DLGAP2: variants seen among roughly 807,000 people sequenced by gnomAD.
The protein encoded by DLGAP2 is DLG associated protein 2.
DLGAP2 carries 26 observed loss-of-function variants against 100.3 expected under a neutral mutation model. That is an observed-to-expected ratio of 0.26 (90% CI 0.19 to 0.36). The LOEUF is 0.36. DLGAP2 is among the 10% of genes least tolerant of loss of function. DLGAP2 has a pLI of 1.00. For missense variants in DLGAP2, 1,858 were observed against 1,453.2 expected (o/e 1.28, Z -4.53); for synonymous variants, 886 against 630.1 (o/e 1.41, Z -6.08).
intron 3 of DLGAP2, among the ~76,000 whole-genome samples, chr8:1,289,642 C>G (rs988195442): frequency 4.6e-5 from 7 of 152,274 alleles, no homozygotes; most frequent in East Asian, 1.9e-4. Context: ...CCTACATAGT[C>G]CCTGCTGCCT....
Position 1,552,382 on chromosome 8 carries a change from C to T in DLGAP2, c.1230+2699C>T, listed in dbSNP as rs374075305. ...TTCGGGGCATGCAGCTCGGTGACTT[C>T]TCTCCCCTCCTCACTGTCCCCCAGT... On this transcript the variant is annotated intron_variant, in intron 5 of 14. Coordinates refer to ENST00000637795, the MANE Select transcript of DLGAP2 (RefSeq NM_001346810.2). Among the ~76,000 whole-genome samples the T allele has an allele frequency of 3.3e-3, 509 of 152,342 alleles. 6 individuals carry two copies. The highest frequency in any genetic ancestry group is 0.033 in the South Asian group (157 of 4,828).
intron 1 of DLGAP2, among the ~76,000 whole-genome samples, chr8:816,717 A>T (rs923216685): frequency 1.3e-5 from 2 of 152,138 alleles, no homozygotes; most frequent in Admixed American, 6.5e-5. Context: ...TCTTTTTGTG[A>T]TGAATTTCCT....
At chr8:859,635 C>T (rs11998113) in intron 1 of DLGAP2, among the ~76,000 whole-genome samples, 12 of 152,172 alleles carry the variant, frequency 7.9e-5, no homozygotes, top group Admixed American at 7.9e-4. Context: ...ATGAAGTCAG[C>T]TGTCTCAGCA....
rs1020971797 is a variant in DLGAP2, at chr8:1,343,256, AG to A, written c.106+84376del. ...CGCCACGGTGAGAGGTGCGCAGGGC[AG>A]GGCTCAGGACAGACCAGGCCTGAGC... On this transcript the variant is annotated intron_variant, in intron 3 of 14. Transcript: ENST00000637795. Among the ~76,000 whole-genome samples, 136 of 152,314 alleles carry A rather than the reference AG, an allele frequency of 8.9e-4. 1 individual carries two copies. Among genetic ancestry groups the A allele is most frequent in the African/African-American group, 3.1e-3 (128 of 41,582 alleles).
At position 1,626,830 on chromosome 8, in the gene DLGAP2, G is replaced by A; in HGVS notation, c.1533G>A (p.Arg511=). ...ACAACTCCCCGAAATTCCGCTCCCGGAACCAGAGCTACATGAGGGCCGTCA... is the reference window on the plus strand; with the variant it reads ...ACAACTCCCCGAAATTCCGCTCCCGAAACCAGAGCTACATGAGGGCCGTCA... ...ANYNSPKFRS[R]NQSYMRAVST... Residue 511 remains arginine, a synonymous_variant, in exon 7 of 15, where the codon CGG becomes CGA. Coordinates refer to ENST00000637795, the MANE Select transcript of DLGAP2 (RefSeq NM_001346810.2). The A allele has an allele frequency of 1.9e-6, 3 of 1,607,306 alleles. No individual in the cohort carries two copies. The highest frequency in any genetic ancestry group is 2.5e-6 in the Non-Finnish European group (3 of 1,177,168).
At chr8:1,018,194 C>G (rs1563146937) in intron 2 of DLGAP2, among the ~76,000 whole-genome samples, 1 of 152,098 alleles carries the variant, frequency 6.6e-6, no homozygotes, top group Non-Finnish European at 1.5e-5. Context: ...ATCCCTGCCC[C>G]TATAGGCCCT....
At chr8:1,043,994 G>T (rs896943306) in intron 2 of DLGAP2, among the ~76,000 whole-genome samples, 8 of 152,086 alleles carry the variant, frequency 5.3e-5, no homozygotes, top group African/African-American at 1.9e-4. Flanking sequence ...GAAGCCCCCA[G>T]GACTTCCCAA....
rs1156753082 is a variant in DLGAP2, at chr8:1,288,221, A to T, written c.106+29338A>T. On this transcript the variant is annotated intron_variant, in intron 3 of 14. Coordinates refer to ENST00000637795, the MANE Select transcript of DLGAP2 (RefSeq NM_001346810.2). ...TGTGTGTGTGTGTGTGTGTGTGGTT[A>T]GGAGGGGAACTAGTTTCGTTTCAGT... Among the ~76,000 whole-genome samples the T allele has an allele frequency of 3.2e-3, 245 of 75,824 alleles. 3 individuals are homozygous for T. Among genetic ancestry groups the T allele is most frequent in the Non-Finnish European group, 5.0e-3 (197 of 39,746 alleles). The allele number at this position is 75,824 out of a possible 152,430, so 49.7% of individuals were successfully genotyped here.
intron 1 of DLGAP2, among the ~76,000 whole-genome samples, chr8:904,016 G>T (rs1798322740): frequency 6.6e-6 from 1 of 152,206 alleles, no homozygotes; most frequent in African/African-American, 2.4e-5. Context: ...GGACACACGC[G>T]GTCCAGGCCC....
intron 2 of DLGAP2, among the ~76,000 whole-genome samples, chr8:1,167,240 CCCAAAGGTCT>C (rs1445599923): frequency 4.3e-4 from 66 of 152,236 alleles, no homozygotes; most frequent in African/African-American, 1.6e-3. Context: ...AGCAAAGGCC[CCCAAAGGTCT>C]GACTCCATGA....
chr8:1,439,765 TC>T (rs931676271), intron 3 of DLGAP2, among the ~76,000 whole-genome samples: 4 of 151,620 alleles, frequency 2.6e-5, no homozygotes, highest in African/African-American at 9.7e-5. Flanking sequence ...CTCCCCACCA[TC>T]CCCCAGACTG....
intron 3 of DLGAP2, among the ~76,000 whole-genome samples, chr8:1,278,948 A>C (rs1311638579): frequency 1.3e-5 from 2 of 152,344 alleles, no homozygotes; most frequent in Admixed American, 6.5e-5. Flanking sequence ...GTACATGAGT[A>C]AAGTCACTTA....
At chr8:1,125,321 A>T (rs1796140131) in intron 2 of DLGAP2, among the ~76,000 whole-genome samples, 1 of 152,186 alleles carries the variant, frequency 6.6e-6, no homozygotes, top group Non-Finnish European at 1.5e-5. Flanking sequence ...TGGAATCGAA[A>T]TTCTACTGCA....
intron 2 of DLGAP2, among the ~76,000 whole-genome samples, chr8:1,152,696 T>C (rs992957085): frequency 6.6e-6 from 1 of 152,222 alleles, no homozygotes; most frequent in Admixed American, 6.5e-5. Context: ...GTCTTCCACC[T>C]CTTGGCATCA....
intron 1 of DLGAP2, among the ~76,000 whole-genome samples, chr8:774,924 G>A (rs1585849368): frequency 6.7e-6 from 1 of 148,830 alleles, no homozygotes; most frequent in African/African-American, 2.5e-5. Context: ...CATTGAATCT[G>A]TAAATTACCT....
At chr8:1,216,192 C>T (rs1016677204) in intron 2 of DLGAP2, among the ~76,000 whole-genome samples, 3 of 152,198 alleles carry the variant, frequency 2.0e-5, no homozygotes, top group Non-Finnish European at 4.4e-5. Context: ...AATAGCTGCG[C>T]TTAACCATGT....
chr8:1,588,069 T>G (rs925195674), intron 6 of DLGAP2, among the ~76,000 whole-genome samples: 3 of 152,142 alleles, frequency 2.0e-5, no homozygotes, highest in Admixed American at 2.0e-4. Context: ...GAAAAATAAT[T>G]TTTCACATTC....
At chr8:1,439,835 A>G (rs1056142200) in intron 3 of DLGAP2, among the ~76,000 whole-genome samples, 5 of 152,120 alleles carry the variant, frequency 3.3e-5, no homozygotes, top group Admixed American at 2.6e-4. Flanking sequence ...GATGTTGCAT[A>G]GTGAGGTGCT....
intron 2 of DLGAP2, among the ~76,000 whole-genome samples, chr8:946,918 C>A (rs117034343): frequency 6.6e-6 from 1 of 152,198 alleles, no homozygotes; most frequent in Non-Finnish European, 1.5e-5. Flanking sequence ...GAAAAGCCAC[C>A]GGCCGCCCTG....
Sources: gnomAD v4.1 joint callset for allele counts (sites outside exome capture counted in the v4.1 genomes callset) on GRCh38, gnomAD v4.1.1 for gene constraint, MANE v1.5 for transcripts, NCBI Gene and HGNC (gene_info 2026-07-23, HGNC 2026-07-21) for gene names.